NAV3: variants seen among roughly 807,000 people sequenced by gnomAD.
The protein encoded by NAV3 is pore membrane and/or filament interacting like protein 1.
In NAV3, 87 loss-of-function variants were observed where a neutral mutation model predicts 244.7. The ratio of observed to expected loss-of-function variants is 0.36; its 90% CI spans 0.30 to 0.42. The LOEUF (loss-of-function observed/expected upper bound fraction) is 0.42. Ranked by LOEUF, NAV3 falls within the 20% of genes least tolerant of loss-of-function variation. The pLI is 1.00. For missense variants in NAV3, 2,663 were observed against 2,893.3 expected, an observed-to-expected ratio of 0.92 and a Z score of 1.83; for synonymous variants, 1,126 against 1,042.2, an observed-to-expected ratio of 1.08 and a Z score of -1.55.
intron 2 of NAV3, among the ~76,000 whole-genome samples, chr12:77,590,819 G>A (rs1021781119): frequency 3.9e-5 from 6 of 152,136 alleles, no homozygotes; most frequent in East Asian, 1.9e-4. Flanking sequence ...TACAGATCTG[G>A]GTATGAGTGC....
chr12:78,020,187 T>C (rs1011017617), intron 8 of NAV3, among the ~76,000 whole-genome samples: 3 of 152,048 alleles, frequency 2.0e-5, no homozygotes, highest in Admixed American at 6.6e-5. Context: ...AGGAAAACAA[T>C]AGAATAAAGT....
chr12:77,650,038 G>C (rs770697658), intron 2 of NAV3, among the ~76,000 whole-genome samples: 9 of 152,086 alleles, frequency 5.9e-5, no homozygotes, highest in Non-Finnish European at 1.0e-4. Flanking sequence ...TTTGTCTTAA[G>C]TTTGCCTTCC....
At chr12:77,621,377 C>A (rs1180967110) in intron 2 of NAV3, among the ~76,000 whole-genome samples, 4 of 152,098 alleles carry the variant, frequency 2.6e-5, no homozygotes, top group Non-Finnish European at 4.4e-5. Context: ...ACTGTGACCT[C>A]TGAGTAAAAT....
chr12:77,803,529 G>T (rs764934554), intron 2 of NAV3, among the ~76,000 whole-genome samples: 1 of 152,130 alleles, frequency 6.6e-6, no homozygotes, highest in Non-Finnish European at 1.5e-5. Flanking sequence ...GTCTGTCATT[G>T]ACAGGTATTT....
Position 78,210,866 on chromosome 12 carries a change from A to AT in NAV3, c.*355dup, listed in dbSNP as rs1409747571. 6 of 235,680 alleles carry AT rather than the reference A, an allele frequency of 2.5e-5. No individual in the cohort carries two copies. Among genetic ancestry groups the AT allele is most frequent in the Non-Finnish European group, 8.3e-6 (1 of 120,524 alleles). 14.6% of individuals were successfully genotyped at this position (235,680 alleles called of 1,614,324 possible). A position where few individuals can be genotyped will look rare whatever the true frequency, so the allele number is the denominator to read the frequency against. On this transcript the variant is annotated 3_prime_UTR_variant, in exon 40 of 40. Transcript: ENST00000397909. ...TCTTTAAAAGTTTACAATGCAGACC[A>AT]TTTTTTGTCCCTTCCTTTTGTTTCC...
chr12:77,632,464 G>A lies in NAV3; in HGVS notation c.72+60198G>A, dbSNP rs184508690. On this transcript the variant is annotated intron_variant, in intron 2 of 8. Transcript: ENST00000550042. ...AGGCAAAGATAGATAGCTTGTGCAG[G>A]AGAACTCCTCTTTATAAAACCATCA... Among the ~76,000 whole-genome samples the A allele has an allele frequency of 1.4e-3, 213 of 152,202 alleles. 2 individuals carry two copies. Among genetic ancestry groups the A allele is most frequent in the African/African-American group, 5.0e-3 (208 of 41,534 alleles).
chr12:78,014,663 A>T (rs952079245), intron 8 of NAV3, among the ~76,000 whole-genome samples: 1 of 152,118 alleles, frequency 6.6e-6, no homozygotes, highest in East Asian at 1.9e-4. Context: ...GAGAATGCAA[A>T]ACATTAGTTT....
chr12:77,791,754 C>G lies in NAV3; in HGVS notation c.73-148565C>G, dbSNP rs141793936. Reference sequence around the variant, plus strand: ...ACAATCATGGATAAAAATATAGTTACGCCTATGATGGCTGCATCTGTACTG... The same window carrying G: ...ACAATCATGGATAAAAATATAGTTAGGCCTATGATGGCTGCATCTGTACTG... On this transcript the variant is annotated intron_variant, in intron 2 of 8. Transcript: ENST00000550042. Among the ~76,000 whole-genome samples, 695 of 152,302 alleles carry G rather than the reference C, an allele frequency of 4.6e-3. 5 individuals are homozygous for G. Among genetic ancestry groups the G allele is most frequent in the African/African-American group, 0.015 (640 of 41,570 alleles).
intron 3 of NAV3, among the ~76,000 whole-genome samples, chr12:77,944,404 G>A (rs1014239368): frequency 1.3e-5 from 2 of 152,050 alleles, no homozygotes; most frequent in Non-Finnish European, 2.9e-5. Flanking sequence ...GCTTAAAATG[G>A]CCCCAATTTT....
chr12:77,581,210 A>G (rs1483961503), intron 2 of NAV3, among the ~76,000 whole-genome samples: 1 of 152,226 alleles, frequency 6.6e-6, no homozygotes, highest in African/African-American at 2.4e-5. Flanking sequence ...TTAGGACTCC[A>G]TCCCACATCT....
chr12:77,923,536 T>C (rs1282776626), intron 1 of NAV3, among the ~76,000 whole-genome samples: 3 of 152,200 alleles, frequency 2.0e-5, no homozygotes, highest in African/African-American at 7.2e-5. Flanking sequence ...TCATCTCTTC[T>C]GTAGATTTGT....
chr12:77,851,005 T>G (rs984406760), intron 1 of NAV3, among the ~76,000 whole-genome samples: 1 of 152,206 alleles, frequency 6.6e-6, no homozygotes, highest in African/African-American at 2.4e-5. Context: ...ACATAAGAAC[T>G]TTTGGATTCA....
chr12:78,151,650 G>A (rs1288491394), intron 22 of NAV3, among the ~76,000 whole-genome samples: 4 of 151,900 alleles, frequency 2.6e-5, no homozygotes, highest in East Asian at 1.9e-4. Flanking sequence ...GAGAGGTAGT[G>A]TGACTATAGG....
Position 78,007,487 on chromosome 12 carries a change from C to T in NAV3, c.1907+42C>T, listed in dbSNP as rs1593261884. On this transcript the variant is annotated intron_variant, in intron 8 of 39. Coordinates refer to ENST00000397909, the MANE Select transcript of NAV3 (RefSeq NM_001024383.2). ...TTATCCACAGTTGTAAATATATTTA[C>T]AGGCCTACATACTCAGAGTGTAATA... The T allele has an allele frequency of 6.3e-6, 10 of 1,575,870 alleles. No homozygotes were observed. The East Asian group carries it at 2.2e-4, about 35-fold the overall frequency.
chr12:77,577,164 G>A (rs114309825), intron 2 of NAV3, among the ~76,000 whole-genome samples: 3,607 of 152,060 alleles, frequency 0.024, 111 homozygotes, highest in African/African-American at 0.083. Flanking sequence ...TAGCATACTC[G>A]GATGCAGATT....
intron 12 of NAV3, among the ~76,000 whole-genome samples, chr12:78,113,578 G>A (rs300438): frequency 0.051 from 7,787 of 152,218 alleles, 262 homozygotes; most frequent in Non-Finnish European, 0.072. Flanking sequence ...ATTAGTTAAA[G>A]CTGGAGCAGC....
intron 1 of NAV3, among the ~76,000 whole-genome samples, chr12:77,907,365 G>T (rs768402185): frequency 6.6e-6 from 1 of 152,096 alleles, no homozygotes; most frequent in Non-Finnish European, 1.5e-5. Flanking sequence ...TTGAACTTTG[G>T]TTGAAGTAGT....
chr12:78,096,832 A>G (rs1444317131), intron 12 of NAV3, among the ~76,000 whole-genome samples: 3 of 152,100 alleles, frequency 2.0e-5, no homozygotes, highest in Non-Finnish European at 2.9e-5. Flanking sequence ...CATTCTGTTG[A>G]GGTTCTGAGC....
chr12:78,148,044 T>C (rs1956932536), intron 21 of NAV3, among the ~76,000 whole-genome samples: 2 of 152,098 alleles, frequency 1.3e-5, no homozygotes, highest in Admixed American at 6.6e-5. Flanking sequence ...TGATATAATA[T>C]ATCCTTACCC....
Sources: allele counts gnomAD v4.1 joint callset (sites outside exome capture counted in the v4.1 genomes callset), GRCh38; gene constraint gnomAD v4.1.1; transcripts MANE v1.5; gene names NCBI Gene and HGNC (gene_info 2026-07-23, HGNC 2026-07-21).